Variants in SLC35A1 observed in about 807,000 individuals in gnomAD.
SLC35A1 encodes the protein solute carrier family 35 member A1, also known as CMP-sialic acid transporter.
SLC35A1 carries 21 observed loss-of-function variants against 40.3 expected under a neutral mutation model. That is an observed-to-expected ratio of 0.52 (90% CI 0.37 to 0.75). SLC35A1 has a LOEUF of 0.75. Among genes scored for constraint, SLC35A1 ranks in the 30% least tolerant of loss-of-function variants. The pLI, the probability that SLC35A1 is intolerant of heterozygous loss-of-function variation, is 0.00. For missense variants in SLC35A1, 297 were observed against 382.1 expected, an observed-to-expected ratio of 0.78 and a Z score of 1.86; for synonymous variants, 146 against 147.3, an observed-to-expected ratio of 0.99 and a Z score of 0.06.
chr6:87,499,657 CAGATAT>C (rs762206186), intron 2 of SLC35A1, among the ~76,000 whole-genome samples: 13 of 152,142 alleles, frequency 8.5e-5, no homozygotes, highest in Non-Finnish European at 1.6e-4. Flanking sequence ...CAGAATTATA[CAGATAT>C]AAAGTATGAG....
chr6:87,504,408 G>GT (rs1303948608), intron 4 of SLC35A1, among the ~76,000 whole-genome samples: 3 of 151,908 alleles, frequency 2.0e-5, no homozygotes. Context: ...CTTCGGCTTT[G>GT]TTCTTGTAAA....
chr6:87,479,645 T>A (rs1442097514), intron 2 of SLC35A1, among the ~76,000 whole-genome samples: 1 of 152,176 alleles, frequency 6.6e-6, no homozygotes, highest in Non-Finnish European at 1.5e-5. Context: ...TCTGCTAATA[T>A]CATGTCTAAG....
chr6:87,505,467 T>C (rs1405601078), intron 4 of SLC35A1, among the ~76,000 whole-genome samples: 2 of 152,238 alleles, frequency 1.3e-5, no homozygotes, highest in African/African-American at 4.8e-5. Flanking sequence ...ATTTTGCCTA[T>C]ACATAACAGA....
At chr6:87,496,632 T>A (rs773439945) in intron 2 of SLC35A1, among the ~76,000 whole-genome samples, 1 of 151,652 alleles carries the variant, frequency 6.6e-6, no homozygotes, top group Non-Finnish European at 1.5e-5. Context: ...TACAAAAAAT[T>A]AGCCAGGTGT....
At chr6:87,479,560 C>T (rs1210529875) in intron 2 of SLC35A1, among the ~76,000 whole-genome samples, 2 of 152,204 alleles carry the variant, frequency 1.3e-5, no homozygotes, top group African/African-American at 4.8e-5. Context: ...CTTTGTTATA[C>T]TTCCATTAGG....
At chr6:87,504,144 A>T (rs549667751) in intron 4 of SLC35A1, among the ~76,000 whole-genome samples, 2 of 152,028 alleles carry the variant, frequency 1.3e-5, no homozygotes, top group Non-Finnish European at 2.9e-5. Context: ...TTTAAAACTT[A>T]GCTAGATGTG....
At chr6:87,484,218 C>G (rs1395423315) in intron 2 of SLC35A1, among the ~76,000 whole-genome samples, 1 of 152,090 alleles carries the variant, frequency 6.6e-6, no homozygotes, top group Non-Finnish European at 1.5e-5. Context: ...ATTTCTCACC[C>G]CTGAGGACGC....
chr6:87,496,541 G>A (rs1769730377), intron 2 of SLC35A1, among the ~76,000 whole-genome samples: 1 of 152,042 alleles, frequency 6.6e-6, no homozygotes, highest in Non-Finnish European at 1.5e-5. Flanking sequence ...CACTTTGGGA[G>A]GCCGAGGTGG....
In SLC35A1 at chr6:87,501,182, T is replaced by A. The variant is rs1242388466; in HGVS notation, c.379T>A (p.Cys127Ser). 1.2e-5 allele frequency: 20 copies of A among 1,613,944 alleles called. No homozygotes were observed. Among genetic ancestry groups the A allele is most frequent in the Non-Finnish European group, 1.4e-5 (17 of 1,179,920 alleles). ...GGTGACCTACCAGTTGAAGATTCCGTGTACTGCTTTATGCACTGTTTTAAT... is the reference window on the plus strand; with the variant it reads ...GGTGACCTACCAGTTGAAGATTCCGAGTACTGCTTTATGCACTGTTTTAAT... ...YQVTYQLKIP[C>S]TALCTVLMLN... Residue 127 changes from cysteine (C) to serine (S), a missense_variant, in exon 4 of 8, where the codon TGT becomes AGT. Coordinates refer to ENST00000369552, the MANE Select transcript of SLC35A1 (RefSeq NM_006416.5).
chr6:87,510,234 A>G (rs1562028429), intron 7 of SLC35A1, among the ~76,000 whole-genome samples: 1 of 152,192 alleles, frequency 6.6e-6, no homozygotes, highest in Non-Finnish European at 1.5e-5. Context: ...AGGTACTTAT[A>G]GGCTTTCCCT....
At position 87,512,218 on chromosome 6, in the gene SLC35A1, C is replaced by T. The variant is rs1582201744; in HGVS notation, c.*692C>T. On this transcript the variant is annotated 3_prime_UTR_variant, in exon 8 of 8. Transcript: ENST00000369552. ...TTCTTCAAAAAAATTTCTAATGTCA[C>T]TTTTGTACTTTTTTAAATAAAGTAT... 1 of 152,536 alleles carries T rather than the reference C, an allele frequency of 6.6e-6. No individual in the cohort carries two copies. Among genetic ancestry groups the T allele is most frequent in the Non-Finnish European group, 1.5e-5 (1 of 68,064 alleles). 9.4% of individuals were successfully genotyped at this position (152,536 alleles called of 1,614,324 possible).
At chr6:87,480,996 T>C (rs1251300121) in intron 2 of SLC35A1, among the ~76,000 whole-genome samples, 2 of 152,324 alleles carry the variant, frequency 1.3e-5, no homozygotes, top group East Asian at 3.9e-4. Flanking sequence ...ATCCCCAGGC[T>C]AGTGCCCGTT....
At chr6:87,484,710 G>T (rs145005618) in intron 2 of SLC35A1, among the ~76,000 whole-genome samples, 3 of 151,268 alleles carry the variant, frequency 2.0e-5, no homozygotes, top group Admixed American at 6.6e-5. Flanking sequence ...GCAGGTAATC[G>T]GAATGAGTCA....
At chr6:87,508,656 G>A (rs909443766) in intron 6 of SLC35A1, 60 bp downstream of exon 6, 1 of 1,301,426 alleles carries the variant, frequency 7.7e-7, no homozygotes, top group Non-Finnish European at 1.1e-6. Flanking sequence ...TAAGTTAGAT[G>A]TCCATTTTAA....
At chr6:87,508,818 AAATTT>A (rs1380916183) in intron 6 of SLC35A1, among the ~76,000 whole-genome samples, 1 of 152,198 alleles carries the variant, frequency 6.6e-6, no homozygotes, top group Non-Finnish European at 1.5e-5. Context: ...AAAATGTGTA[AAATTT>A]AATAGACCAC....
intron 2 of SLC35A1, chr6:87,496,256 G>C (rs1445028691): frequency 1.3e-5 from 2 of 152,076 alleles, no homozygotes; most frequent in Non-Finnish European, 2.9e-5. Context: ...TGGAGCTTCA[G>C]AATTTCTTCA....
chr6:87,473,304 G>A (rs1213813760), intron 1 of SLC35A1, among the ~76,000 whole-genome samples: 1 of 152,124 alleles, frequency 6.6e-6, no homozygotes, highest in Non-Finnish European at 1.5e-5. Flanking sequence ...AATTCTGACA[G>A]GCCGGGGCTG....
chr6:87,478,956 A>G (rs905264913), intron 2 of SLC35A1, among the ~76,000 whole-genome samples: 4 of 152,118 alleles, frequency 2.6e-5, no homozygotes, highest in African/African-American at 9.7e-5. Flanking sequence ...CTAGGGTTAG[A>G]CTGCACAGGC....
chr6:87,493,123 G>A (rs9450716), intron 2 of SLC35A1, among the ~76,000 whole-genome samples: 60,344 of 151,736 alleles, frequency 0.4, 12,208 homozygotes, highest in African/African-American at 0.47. Context: ...TTGTATTTAT[G>A]TGAACATGGA....
Sources: allele counts gnomAD v4.1 joint callset (sites outside exome capture counted in the v4.1 genomes callset), GRCh38; gene constraint gnomAD v4.1.1; transcripts MANE v1.5; gene names NCBI Gene and HGNC (gene_info 2026-07-23, HGNC 2026-07-21).